Variants in PHACTR4 observed in about 807,000 individuals in gnomAD.
PHACTR4 encodes protein phosphatase 1, regulatory subunit 124.
A neutral mutation model predicts 72.7 loss-of-function variants in PHACTR4; 51 were observed. That is an observed-to-expected ratio of 0.70 (90% CI 0.56 to 0.89). The LOEUF is 0.89. Ranked by LOEUF, PHACTR4 falls within the 40% of genes least tolerant of loss-of-function variation. The pLI is 0.00. For synonymous variants in PHACTR4, 255 were observed against 302.5 expected, an observed-to-expected ratio of 0.84 and a Z score of 1.63; for missense variants, 731 against 861.8, an observed-to-expected ratio of 0.85 and a Z score of 1.90.
intron 2 of PHACTR4, among the ~76,000 whole-genome samples, chr1:28,412,807 G>A (rs1433256557): frequency 6.6e-6 from 1 of 152,196 alleles, no homozygotes; most frequent in Non-Finnish European, 1.5e-5. Context: ...TTCTATGGAA[G>A]TCATGAGTAA....
At chr1:28,406,997 T>C (rs1248114639) in intron 1 of PHACTR4, among the ~76,000 whole-genome samples, 4 of 152,112 alleles carry the variant, frequency 2.6e-5, no homozygotes, top group Admixed American at 2.6e-4. Flanking sequence ...CCCTATACTC[T>C]AGTAAATTCA....
At chr1:28,485,257 T>C (rs1225731915) in intron 9 of PHACTR4, among the ~76,000 whole-genome samples, 1 of 152,020 alleles carries the variant, frequency 6.6e-6, no homozygotes, top group East Asian at 1.9e-4. Flanking sequence ...GCATGATGAG[T>C]AAGTTCTAGA....
At chr1:28,465,443 A>G (rs1440835684) in intron 4 of PHACTR4, among the ~76,000 whole-genome samples, 1 of 152,074 alleles carries the variant, frequency 6.6e-6, no homozygotes, top group Admixed American at 6.6e-5. Flanking sequence ...CTGGTCTGTG[A>G]GACCCTGTCT....
intron 2 of PHACTR4, among the ~76,000 whole-genome samples, chr1:28,443,488 C>T (rs1235000408): frequency 2.6e-5 from 4 of 151,694 alleles, no homozygotes; most frequent in Non-Finnish European, 4.4e-5. Context: ...CACTCTGTCA[C>T]CCAGGCTGGA....
At chr1:28,422,709 T>C (rs888628519) in intron 2 of PHACTR4, 4 of 152,210 alleles carry the variant, frequency 2.6e-5, no homozygotes, top group Non-Finnish European at 5.9e-5. Flanking sequence ...GCGATTTCTT[T>C]AGGGCAAGTT....
chr1:28,369,926 C>T (rs920517330), intron 1 of PHACTR4, 101 bp downstream of exon 1: 1 of 380,750 alleles, frequency 2.6e-6, no homozygotes, highest in Non-Finnish European at 5.0e-6. Flanking sequence ...CGAGAGGGTC[C>T]CGGTCCGGGC....
rs577693546 is a variant in PHACTR4, at chr1:28,444,782, A to ATTTTTTTTTT, written c.17-14294_17-14285dup. ...AGGCGCCTGCCACCGCACCCAGCTA[A>ATTTTTTTTTT]TTTTTTTTTTTTTTTTTTGTATTTT... On this transcript the variant is annotated intron_variant, in intron 2 of 13. Transcript: ENST00000373839. Among the ~76,000 whole-genome samples the ATTTTTTTTTT allele has an allele frequency of 4.5e-4, 53 of 116,674 alleles. 1 individual carries two copies. The highest frequency in any genetic ancestry group is 1.6e-3 in the African/African-American group (45 of 27,522). 76.5% of individuals were successfully genotyped at this position (116,674 alleles called of 152,430 possible). A position where few individuals can be genotyped will look rare whatever the true frequency, so the allele number is the denominator to read the frequency against.
In PHACTR4 at chr1:28,466,776, A is replaced by T. The variant is rs758047004; in HGVS notation, c.823+8A>T. On this transcript the variant is annotated splice_region_variant and intron_variant, in intron 6 of 13. Coordinates refer to ENST00000373839, the MANE Select transcript of PHACTR4 (RefSeq NM_001048183.3). Reference sequence around the variant, plus strand: ...ATAGCAACCCTGTCATTGGTAAGTAAGTCTTTAGGCTTCCAGTGTTTTGGG... The same window carrying T: ...ATAGCAACCCTGTCATTGGTAAGTATGTCTTTAGGCTTCCAGTGTTTTGGG... The T allele has an allele frequency of 6.9e-6, 11 of 1,601,450 alleles. No individual in the cohort carries two copies. In the Admixed American group the frequency reaches 1.2e-4, roughly 17 times the overall value.
chr1:28,404,321 A>T (rs1654165724), intron 1 of PHACTR4, among the ~76,000 whole-genome samples: 1 of 124,322 alleles, frequency 8.0e-6, no homozygotes, highest in South Asian at 2.4e-4. Flanking sequence ...TTTGCTCTGT[A>T]ACCCAGACTG....
chr1:28,393,358 C>G (rs1283164593), intron 1 of PHACTR4, among the ~76,000 whole-genome samples: 1 of 152,182 alleles, frequency 6.6e-6, no homozygotes, highest in Non-Finnish European at 1.5e-5. Context: ...ATGCAAACCA[C>G]TATAGTAGGC....
intron 2 of PHACTR4, among the ~76,000 whole-genome samples, chr1:28,458,108 TTGTGTGTGTGTG>T (rs539564108): frequency 4.9e-4 from 59 of 120,350 alleles, no homozygotes; most frequent in Middle Eastern, 3.9e-3. Flanking sequence ...GTGTGTGTGT[TTGTGTGTGTGTG>T]TGTGTGTGTG....
At chr1:28,476,478 C>T (rs937956781) in intron 8 of PHACTR4, among the ~76,000 whole-genome samples, 187 bp downstream of exon 8, 3 of 151,802 alleles carry the variant, frequency 2.0e-5, no homozygotes, top group Non-Finnish European at 4.4e-5. Context: ...TTAAAACAAG[C>T]CAAGACAGGG....
chr1:28,428,190 C>T (rs1655994294), intron 2 of PHACTR4, among the ~76,000 whole-genome samples: 1 of 152,104 alleles, frequency 6.6e-6, no homozygotes, highest in Non-Finnish European at 1.5e-5. Flanking sequence ...TTCTCATTTC[C>T]CCTTTTCCTT....
chr1:28,396,960 T>C (rs1417151171), intron 1 of PHACTR4, among the ~76,000 whole-genome samples: 1 of 151,686 alleles, frequency 6.6e-6, no homozygotes, highest in Non-Finnish European at 1.5e-5. Context: ...CCTAAAGTGC[T>C]GGGATTGCAG....
Position 28,496,703 on chromosome 1 carries a change from T to A in PHACTR4, c.*154T>A. Reference sequence around the variant, plus strand: ...CAGCACTTTGAATGTAGCATTTCACTGGAACAGAGTCTTATGTGCTGCACC... The same window carrying A: ...CAGCACTTTGAATGTAGCATTTCACAGGAACAGAGTCTTATGTGCTGCACC... On this transcript the variant is annotated 3_prime_UTR_variant, in exon 14 of 14. Coordinates refer to ENST00000373839, the MANE Select transcript of PHACTR4 (RefSeq NM_001048183.3). 2 of 853,070 alleles carry A rather than the reference T, an allele frequency of 2.3e-6. No homozygotes were observed. The highest frequency in any genetic ancestry group is 3.9e-6 in the Non-Finnish European group (2 of 517,600). 52.8% of individuals were successfully genotyped at this position (853,070 alleles called of 1,614,324 possible). A position where few individuals can be genotyped will look rare whatever the true frequency, so the allele number is the denominator to read the frequency against.
At chr1:28,459,395 CTT>C (rs367934288) in intron 3 of PHACTR4, 137 bp downstream of exon 3, 32,262 of 276,444 alleles carry the variant, frequency 0.12, 625 homozygotes, top group African/African-American at 0.25. Context: ...TTTCCTTCTT[CTT>C]TTTTTTTTTT....
chr1:28,433,655 T>A (rs35280037), intron 2 of PHACTR4, among the ~76,000 whole-genome samples: 58,289 of 150,622 alleles, frequency 0.39, 12,914 homozygotes, highest in African/African-American at 0.6. Flanking sequence ...ACGGAGTTTT[T>A]CCATGTTGGC....
chr1:28,425,181 G>A (rs1007348121), intron 2 of PHACTR4, among the ~76,000 whole-genome samples: 19 of 152,002 alleles, frequency 1.2e-4, no homozygotes, highest in African/African-American at 4.1e-4. Flanking sequence ...GCATTGGCAC[G>A]ATCTTCAGCT....
chr1:28,407,922 C>G (rs1000825285), intron 2 of PHACTR4, among the ~76,000 whole-genome samples: 7 of 152,060 alleles, frequency 4.6e-5, no homozygotes, highest in Admixed American at 3.3e-4. Context: ...AGTTCGAGAC[C>G]AGCCTGGCCA....
Sources: allele counts gnomAD v4.1 joint callset (sites outside exome capture counted in the v4.1 genomes callset), GRCh38; gene constraint gnomAD v4.1.1; transcripts MANE v1.5; gene names NCBI Gene and HGNC (gene_info 2026-07-23, HGNC 2026-07-21).